The following BAZ2B variants were observed in gnomAD, a reference collection of about 807,000 sequenced individuals.
BAZ2B encodes bromodomain adjacent to zinc finger domain 2B.
BAZ2B carries 91 observed loss-of-function variants against 246.0 expected under a neutral mutation model. The observed-to-expected ratio is 0.37, with a 90% CI of 0.31 to 0.44. The LOEUF (loss-of-function observed/expected upper bound fraction) is 0.44, where lower values mean the gene tolerates loss of function less well. Ranked by LOEUF, BAZ2B falls within the 20% of genes least tolerant of loss-of-function variation. BAZ2B has a pLI of 1.00. For missense variants in BAZ2B, 2,332 were observed against 2,533.7 expected, an observed-to-expected ratio of 0.92 and a Z score of 1.71; for synonymous variants, 855 against 860.0, an observed-to-expected ratio of 0.99 and a Z score of 0.10.
rs369875103 is a variant in BAZ2B at position 159,448,317 on chromosome 2, G to A, written c.427C>T (p.Pro143Ser). The A allele has an allele frequency of 5.6e-6, 9 of 1,613,350 alleles. No homozygotes were observed. The highest frequency in any genetic ancestry group is 7.6e-6 in the Non-Finnish European group (9 of 1,179,814). Reference sequence around the variant, plus strand: ...GAAGAAGAATCATGATTCTGGGCTGGGGGAGCAAATAGTGGTGGAATTCCC... The same window carrying A: ...GAAGAAGAATCATGATTCTGGGCTGAGGGAGCAAATAGTGGTGGAATTCCC... ...LLGIPPLFAPPAQNHDSSSFH... is the reference protein window; with the variant it reads ...LLGIPPLFAPSAQNHDSSSFH... The change falls in exon 5 of 37, where the codon CCA (proline) becomes TCA (serine). Residue 143 changes from proline (P) to serine (S), a missense_variant. Physicochemically the swap from Pro to Ser is moderately conservative, Grantham distance 74. Coordinates refer to ENST00000392783, the MANE Select transcript of BAZ2B (RefSeq NM_013450.4).
upstream of BAZ2B, among the ~76,000 whole-genome samples, chr2:159,618,234 A>C (rs1696280724): frequency 6.6e-6 from 1 of 152,154 alleles, no homozygotes; most frequent in Non-Finnish European, 1.5e-5. Context: ...AATGACATAC[A>C]ATTTCTCTTT....
At chr2:159,615,565 T>C (rs1286429234) in intron 1 of BAZ2B, 1 of 140,568 alleles carries the variant, frequency 7.1e-6, no homozygotes, top group African/African-American at 2.7e-5. Flanking sequence ...AGCCGGGGAG[T>C]GGGGGTGGCA....
chr2:159,317,205 A>T (rs1558910466), downstream of BAZ2B, among the ~76,000 whole-genome samples: 1 of 152,156 alleles, frequency 6.6e-6, no homozygotes, highest in Non-Finnish European at 1.5e-5. Context: ...CTTGTTGAGG[A>T]TGTGTTTAAA....
intron 1 of BAZ2B, among the ~76,000 whole-genome samples, chr2:159,561,296 T>C (rs1055908624): frequency 5.3e-5 from 8 of 152,144 alleles, no homozygotes; most frequent in African/African-American, 1.9e-4. Context: ...GAGAATGAGT[T>C]GTTATAAAGC....
the BAZ2B span, among the ~76,000 whole-genome samples, chr2:159,621,669 T>C: frequency 1.3e-5 from 2 of 152,296 alleles, no homozygotes; most frequent in Admixed American, 6.5e-5. Context: ...AGAGATGGAC[T>C]TTTTGATAAT....
chr2:159,592,303 T>A (rs989923781), intron 1 of BAZ2B, among the ~76,000 whole-genome samples: 1 of 152,150 alleles, frequency 6.6e-6, no homozygotes, highest in Non-Finnish European at 1.5e-5. Context: ...TTCAGTATCA[T>A]GAATTTTATT....
intron 3 of BAZ2B, chr2:159,463,320 T>G (rs974892507): frequency 1.1e-5 from 3 of 283,956 alleles, no homozygotes; most frequent in Non-Finnish European, 1.4e-5. Context: ...ACGTGTCTAT[T>G]GTTAATCGTT....
intron 13 of BAZ2B, among the ~76,000 whole-genome samples, chr2:159,424,449 T>C (rs952881604): frequency 6.6e-6 from 1 of 152,160 alleles, no homozygotes; most frequent in African/African-American, 2.4e-5. Context: ...GCAATGCAGG[T>C]ATTATCTTCT....
chr2:159,635,861 TC>T, the BAZ2B span, among the ~76,000 whole-genome samples: 1 of 151,992 alleles, frequency 6.6e-6, no homozygotes, highest in Non-Finnish European at 1.5e-5. Flanking sequence ...AAACAAAAAG[TC>T]CCTGGGCAAC....
Position 159,480,433 on chromosome 2 carries a change from A to G in BAZ2B, c.-2-1712T>C, listed in dbSNP as rs146554671. Among the ~76,000 whole-genome samples, 14 of 152,274 alleles carry G rather than the reference A, an allele frequency of 9.2e-5. No homozygotes were observed. The East Asian group carries it at 2.1e-3, about 23-fold the overall frequency. The stretch of plus-strand genomic sequence containing the variant: ...AGTATAGGTATTTCTTATTGTTGAT[A>G]AAACCTGATTCAGGACTAAAGTAAG... On this transcript the variant is annotated intron_variant, in intron 2 of 36. Coordinates refer to ENST00000392783, the MANE Select transcript of BAZ2B (RefSeq NM_013450.4).
At chr2:159,562,358 T>C (rs1403199864) in intron 1 of BAZ2B, among the ~76,000 whole-genome samples, 1 of 152,238 alleles carries the variant, frequency 6.6e-6, no homozygotes, top group Non-Finnish European at 1.5e-5. Context: ...CATAACTGGC[T>C]ATTAGACTTG....
intron 30 of BAZ2B, 108 bp from the exon 31 acceptor site, chr2:159,347,754 T>C (rs1423736557): frequency 3.3e-6 from 3 of 903,012 alleles, no homozygotes; most frequent in Admixed American, 2.8e-5. Flanking sequence ...TACATCTAAC[T>C]TGACATACAC....
upstream of BAZ2B, among the ~76,000 whole-genome samples, chr2:159,617,531 C>T (rs1696228008): frequency 6.6e-6 from 1 of 151,590 alleles, no homozygotes; most frequent in South Asian, 2.1e-4. Context: ...ACAAGAAAGT[C>T]TCAAAGTTCA....
Position 159,420,208 on chromosome 2 carries a change from C to T in BAZ2B, c.2467-7663G>A, listed in dbSNP as rs1198313743. ...ATTTCTGTACTGAAAGGTGTGTTCA[C>T]AATTTGCTCTATGGGAAAATGCCTT... On this transcript the variant is annotated intron_variant, in intron 13 of 36. Transcript: ENST00000392783. Among the ~76,000 whole-genome samples, 2 of 152,128 alleles carry T rather than the reference C, an allele frequency of 1.3e-5. 1 individual carries two copies. Among genetic ancestry groups the T allele is most frequent in the East Asian group, 3.8e-4 (2 of 5,198 alleles).
intron 27 of BAZ2B, among the ~76,000 whole-genome samples, chr2:159,365,686 T>C (rs2060144299): frequency 3.3e-5 from 5 of 152,204 alleles, no homozygotes; most frequent in Admixed American, 2.0e-4. Context: ...CTGCAGTCTC[T>C]ATACCCATAT....
chr2:159,505,508 T>A (rs34081025), intron 2 of BAZ2B, among the ~76,000 whole-genome samples: 13,388 of 152,244 alleles, frequency 0.088, 751 homozygotes, highest in Middle Eastern at 0.17. Flanking sequence ...TATTGCCAGA[T>A]TATGTCAATT....
chr2:159,536,224 T>C (rs1559718583), intron 2 of BAZ2B: 1 of 152,218 alleles, frequency 6.6e-6, no homozygotes, highest in Non-Finnish European at 1.5e-5. Context: ...GATTGATTGA[T>C]TTTTATTTAT....
chr2:159,363,948 T>C (rs926123098), intron 27 of BAZ2B, among the ~76,000 whole-genome samples: 1 of 152,176 alleles, frequency 6.6e-6, no homozygotes, highest in African/African-American at 2.4e-5. Context: ...GACAGGGAGA[T>C]ACTCTGCATT....
chr2:159,579,457 C>T (rs752141299), intron 1 of BAZ2B, among the ~76,000 whole-genome samples: 1 of 152,124 alleles, frequency 6.6e-6, no homozygotes, highest in Non-Finnish European at 1.5e-5. Context: ...AAAACAAGTC[C>T]AGGACCAGAT....
Sources: allele counts gnomAD v4.1 joint callset (sites outside exome capture counted in the v4.1 genomes callset), GRCh38; gene constraint gnomAD v4.1.1; transcripts MANE v1.5; gene names NCBI Gene and HGNC (gene_info 2026-07-23, HGNC 2026-07-21).